The following UNC13B variants were observed in gnomAD, a reference collection of about 807,000 sequenced individuals.
UNC13B encodes the protein protein unc-13 homolog B.
A neutral mutation model predicts 211.0 loss-of-function variants in UNC13B; 144 were observed. That is an observed-to-expected ratio of 0.68 (90% CI 0.60 to 0.78). UNC13B has a LOEUF of 0.78. Among genes scored for constraint, UNC13B ranks in the 30% least tolerant of loss-of-function variants. The pLI is 0.00. For synonymous variants in UNC13B, 709 were observed against 725.8 expected, an observed-to-expected ratio of 0.98 and a Z score of 0.37; for missense variants, 1,777 against 2,002.0, an observed-to-expected ratio of 0.89 and a Z score of 2.14.
intron 7 of UNC13B, among the ~76,000 whole-genome samples, chr9:35,287,975 A>G (rs936533475): frequency 1.2e-4 from 18 of 152,050 alleles, no homozygotes; most frequent in African/African-American, 4.3e-4. Flanking sequence ...ATGATGTCAC[A>G]TTCATCCAGT....
At chr9:35,381,940 A>G (rs1834868762) in intron 20 of UNC13B, among the ~76,000 whole-genome samples, 1 of 152,228 alleles carries the variant, frequency 6.6e-6, no homozygotes, top group Admixed American at 6.5e-5. Flanking sequence ...TCTGCCTCAG[A>G]GTTGAGGGAA....
intron 3 of UNC13B, 139 bp from the exon 4 acceptor site, chr9:35,236,330 G>A (rs914162594): frequency 1.2e-5 from 8 of 662,318 alleles, no homozygotes; most frequent in Non-Finnish European, 2.0e-5. Context: ...AAAAATGGTC[G>A]TGGCATTCTG....
chr9:35,178,235 A>G (rs1821743400), intron 1 of UNC13B, among the ~76,000 whole-genome samples: 1 of 152,212 alleles, frequency 6.6e-6, no homozygotes. Flanking sequence ...ATTGCTGGGC[A>G]CAGTGGCTCA....
At chr9:35,344,158 C>A (rs1270573240) in intron 11 of UNC13B, among the ~76,000 whole-genome samples, 1 of 152,152 alleles carries the variant, frequency 6.6e-6, no homozygotes, top group Non-Finnish European at 1.5e-5. Context: ...GTAACAGGAA[C>A]CACAGCAGGA....
intron 13 of UNC13B, among the ~76,000 whole-genome samples, chr9:35,374,259 C>G (rs985127463): frequency 1.3e-4 from 11 of 86,394 alleles, no homozygotes; most frequent in Non-Finnish European, 2.4e-4. Flanking sequence ...ACTTAACTCT[C>G]TGTGCTTGGC....
intron 7 of UNC13B, chr9:35,291,011 A>T (rs1564116261): frequency 6.5e-7 from 1 of 1,528,708 alleles, no homozygotes; most frequent in East Asian, 2.5e-5. Flanking sequence ...ATGACTTTTG[A>T]ATTCCTTCAA....
intron 1 of UNC13B, among the ~76,000 whole-genome samples, chr9:35,217,396 G>GT (rs1232346601): frequency 0.029 from 3,979 of 139,214 alleles, 155 homozygotes; most frequent in African/African-American, 0.09. Flanking sequence ...TGTTTTTTTT[G>GT]TTTTTTTTTT....
At chr9:35,378,174 G>A in intron 16 of UNC13B, 121 bp from the exon 17 acceptor site, 2 of 1,346,322 alleles carry the variant, frequency 1.5e-6, no homozygotes, top group Non-Finnish European at 2.0e-6. Context: ...TAAATATGGA[G>A]GAATGGGATT....
chr9:35,193,946 C>T (rs1431875787), intron 1 of UNC13B, among the ~76,000 whole-genome samples: 2 of 152,132 alleles, frequency 1.3e-5, no homozygotes, highest in Non-Finnish European at 2.9e-5. Flanking sequence ...ATGCCATGTG[C>T]TTTCCAGACC....
intron 7 of UNC13B, among the ~76,000 whole-genome samples, chr9:35,274,152 C>T (rs967060443): frequency 4.1e-4 from 63 of 152,164 alleles, no homozygotes; most frequent in African/African-American, 1.5e-3. Context: ...TGACAGTAGC[C>T]ACCATACTGA....
At chr9:35,197,498 A>G (rs537866824) in intron 1 of UNC13B, among the ~76,000 whole-genome samples, 9 of 152,312 alleles carry the variant, frequency 5.9e-5, no homozygotes, top group African/African-American at 2.2e-4. Context: ...CAGAGCCACT[A>G]CACCCAGCCA....
At chr9:35,396,453 C>A (rs1236469792) in intron 26 of UNC13B, 23 bp from the exon 27 acceptor site, 1 of 1,613,754 alleles carries the variant, frequency 6.2e-7, no homozygotes, top group Non-Finnish European at 8.5e-7. Context: ...GGGACCTGAC[C>A]CAACCTTTCT....
chr9:35,271,282 G>C (rs1827867311), intron 7 of UNC13B, among the ~76,000 whole-genome samples: 1 of 151,566 alleles, frequency 6.6e-6, no homozygotes, highest in Non-Finnish European at 1.5e-5. Context: ...ACATTAGAAA[G>C]TGGATATACT....
chr9:35,235,397 T>A (rs1469618041), intron 3 of UNC13B, among the ~76,000 whole-genome samples: 1 of 152,120 alleles, frequency 6.6e-6, no homozygotes, highest in African/African-American at 2.4e-5. Context: ...ACTTATATGT[T>A]CTCAGGGACC....
At chr9:35,246,891 G>A (rs901147431) in intron 6 of UNC13B, among the ~76,000 whole-genome samples, 2 of 152,186 alleles carry the variant, frequency 1.3e-5, no homozygotes, top group African/African-American at 4.8e-5. Context: ...TGTGAAGAAA[G>A]TCATTGGTAG....
chr9:35,350,295 T>C (rs1008586342), intron 11 of UNC13B, among the ~76,000 whole-genome samples: 2 of 152,150 alleles, frequency 1.3e-5, no homozygotes, highest in African/African-American at 2.4e-5. Context: ...CTTTACCTTA[T>C]TGGAGAAGAG....
intron 5 of UNC13B, among the ~76,000 whole-genome samples, chr9:35,241,056 C>CAA (rs10629111): frequency 0.55 from 73,113 of 133,170 alleles, 22,320 homozygotes; most frequent in Non-Finnish European, 0.66. Flanking sequence ...GACTCTGTCT[C>CAA]AAAAAAAAAA....
intron 7 of UNC13B, among the ~76,000 whole-genome samples, chr9:35,287,159 G>A (rs1828845747): frequency 6.9e-6 from 1 of 145,852 alleles, no homozygotes; most frequent in Admixed American, 6.9e-5. Context: ...TTGAGTTGGA[G>A]TCTTAATCTG....
chr9:35,343,236 A>G (rs1290869621), intron 11 of UNC13B, among the ~76,000 whole-genome samples: 2 of 152,224 alleles, frequency 1.3e-5, no homozygotes, highest in Non-Finnish European at 2.9e-5. Context: ...CCTGCCTCAC[A>G]GGGTTGTTGT....
Sources: gnomAD v4.1 joint callset for allele counts (sites outside exome capture counted in the v4.1 genomes callset) on GRCh38, gnomAD v4.1.1 for gene constraint, MANE v1.5 for transcripts, NCBI Gene and HGNC (gene_info 2026-07-23, HGNC 2026-07-21) for gene names.